PRSS41: variants seen among roughly 807,000 people sequenced by gnomAD.
PRSS41 encodes the protein serine protease 41.
PRSS41 carries 37 observed loss-of-function variants against 28.8 expected under a neutral mutation model. That is an observed-to-expected ratio of 1.29 (90% CI 0.99 to 1.69). The LOEUF (loss-of-function observed/expected upper bound fraction) is 1.69, where lower values mean the gene tolerates loss of function less well. Ranked by LOEUF, PRSS41 falls within the 40% of genes most tolerant of loss-of-function variation. The probability of loss-of-function intolerance (pLI) is 0.00; values close to 1 mark genes in which losing one functional copy is unlikely to be tolerated. For synonymous variants in PRSS41, 195 were observed against 163.1 expected, an observed-to-expected ratio of 1.20 and a Z score of -1.49; for missense variants, 431 against 400.7, an observed-to-expected ratio of 1.08 and a Z score of -0.65.
exon 3 of PRSS41, chr16:2,799,056 A>G: frequency 6.5e-7 from 1 of 1,533,242 alleles, no homozygotes; most frequent in Non-Finnish European, 8.7e-7. Context: ...GCCTGAGGAG[A>G]CGCCACCGAT....
chr16:2,799,596 G>A (rs971076312), intron 4 of PRSS41, 27 bp downstream of exon 4: 40 of 1,547,694 alleles, frequency 2.6e-5, no homozygotes, highest in Non-Finnish European at 3.2e-5. Flanking sequence ...ACCGGGTGGG[G>A]TGATGGGGGT....
At chr16:2,800,645 C>T (rs895493968) in intron 4 of PRSS41, among the ~76,000 whole-genome samples, 10 of 151,366 alleles carry the variant, frequency 6.6e-5, no homozygotes, top group Non-Finnish European at 1.3e-4. Flanking sequence ...GGTAAGTGAA[C>T]GAATGGTGAG....
exon 4 of PRSS41, chr16:2,799,369 G>A (rs1203127495): frequency 1.3e-6 from 2 of 1,551,944 alleles, no homozygotes; most frequent in Non-Finnish European, 1.7e-6. Flanking sequence ...GCCTACAGCA[G>A]TCGTTACAAA....
chr16:2,798,914 C>A, intron 2 of PRSS41, 45 bp from the exon 3 acceptor site: 3 of 1,477,942 alleles, frequency 2.0e-6, no homozygotes, highest in Middle Eastern at 2.4e-4. Context: ...GCCTGCCCAC[C>A]CCACCCCACC....
chr16:2,805,238 A>T (rs2069014379), exon 6 of PRSS41: 1 of 842,124 alleles, frequency 1.2e-6, no homozygotes. Flanking sequence ...CAGGGTTGGG[A>T]CTGCCTGCTG....
intron 4 of PRSS41, 70 bp downstream of exon 4, chr16:2,799,639 C>G: frequency 6.8e-7 from 1 of 1,470,438 alleles, no homozygotes; most frequent in Non-Finnish European, 9.2e-7. Flanking sequence ...CCCCTGTTCC[C>G]GCTACACAAG....
chr16:2,799,296 C>A, exon 4 of PRSS41: 1 of 1,551,608 alleles, frequency 6.4e-7, no homozygotes, highest in South Asian at 1.2e-5. Context: ...GCACTACTAT[C>A]CCTCCGAGTG....
chr16:2,798,711 T>C, intron 2 of PRSS41, 49 bp downstream of exon 2: 2 of 1,404,030 alleles, frequency 1.4e-6, no homozygotes, highest in Non-Finnish European at 9.3e-7. Flanking sequence ...TGGGCCGGGG[T>C]GCACGGGGGC....
chr16:2,799,038 C>T (rs2068967455), exon 3 of PRSS41: 1 of 1,532,986 alleles, frequency 6.5e-7, no homozygotes, highest in Middle Eastern at 2.2e-4. Context: ...CATGGCAGGC[C>T]AGCCTGCGCC....
chr16:2,799,690 C>T (rs2068974373), intron 4 of PRSS41, 121 bp downstream of exon 4: 1 of 1,009,416 alleles, frequency 9.9e-7, no homozygotes, highest in Non-Finnish European at 1.4e-6. Flanking sequence ...CAACCTGCGC[C>T]CCTCCTGCTC....
In PRSS41 at chr16:2,802,341, G is replaced by A. The variant is rs532579908; in HGVS notation, c.542-2048G>A. Among the ~76,000 whole-genome samples the A allele has an allele frequency of 4.6e-3, 690 of 150,094 alleles. 10 individuals carry two copies. The highest frequency in any genetic ancestry group is 0.016 in the African/African-American group (656 of 40,416). On this transcript the variant is annotated intron_variant, in intron 4 of 5. Transcript: ENST00000399677. The stretch of plus-strand genomic sequence containing the variant: ...GATGTGATGGCGGCCAGGAAGAGGC[G>A]CTCCTCACTTCCTAGATGGGATGGC...
chr16:2,799,632 C>T lies in PRSS41; in HGVS notation c.541+63C>T. The T allele has an allele frequency of 2.7e-6, 4 of 1,487,044 alleles. No homozygotes were observed. In the East Asian group the frequency reaches 7.4e-5, roughly 28 times the overall value. The allele number at this position is 1,487,044 out of a possible 1,614,324, so 92.1% of individuals were successfully genotyped here. A position where few individuals can be genotyped will look rare whatever the true frequency, so the allele number is the denominator to read the frequency against. Reference sequence around the variant, plus strand: ...GCGGGGTGAGCATTACCCTCTACCCCTGTTCCCGCTACACAAGCACAGCAG... The same window carrying T: ...GCGGGGTGAGCATTACCCTCTACCCTTGTTCCCGCTACACAAGCACAGCAG... On this transcript the variant is annotated intron_variant, in intron 4 of 5. Transcript: ENST00000399677.
intron 2 of PRSS41, 78 bp from the exon 3 acceptor site, chr16:2,798,881 C>G: frequency 7.0e-7 from 1 of 1,425,898 alleles, no homozygotes; most frequent in Non-Finnish European, 9.1e-7. Flanking sequence ...GCGCGCACCC[C>G]GGGGCAAAGC....
chr16:2,798,730 T>C, intron 2 of PRSS41, 68 bp downstream of exon 2: 2 of 1,350,118 alleles, frequency 1.5e-6, no homozygotes, highest in South Asian at 3.1e-5. Flanking sequence ...GCCCATCTAC[T>C]GCTCTCTGTT....
chr16:2,805,041 T>A, exon 6 of PRSS41: 1 of 1,555,956 alleles, frequency 6.4e-7, no homozygotes, highest in Non-Finnish European at 8.7e-7. Context: ...AGTGTGTACT[T>A]CCACTGGATC....
At chr16:2,798,812 C>T in intron 2 of PRSS41, 147 bp from the exon 3 acceptor site, 1 of 1,173,666 alleles carries the variant, frequency 8.5e-7, no homozygotes, top group Non-Finnish European at 1.1e-6. Context: ...CTGCCCACCA[C>T]GTGGGAGGGT....
At chr16:2,799,183 C>G (rs1258355982) in intron 3 of PRSS41, 59 bp downstream of exon 3, 1 of 1,506,640 alleles carries the variant, frequency 6.6e-7, no homozygotes, top group African/African-American at 1.4e-5. Flanking sequence ...GATGAGCAAA[C>G]AGTAGCCACC....
At chr16:2,800,724 C>T (rs2068980514) in intron 4 of PRSS41, among the ~76,000 whole-genome samples, 2 of 152,138 alleles carry the variant, frequency 1.3e-5, no homozygotes, top group South Asian at 2.1e-4. Context: ...ACTGAGGCTA[C>T]ACTAAATTTA....
At chr16:2,804,862 T>C (rs2069010706) in intron 5 of PRSS41, 52 bp from the exon 6 acceptor site, 67 of 1,418,810 alleles carry the variant, frequency 4.7e-5, no homozygotes, top group Non-Finnish European at 6.1e-5. Flanking sequence ...TCATGGCCTC[T>C]GCTGCCCCAC....
Sources: allele counts gnomAD v4.1 joint callset (sites outside exome capture counted in the v4.1 genomes callset), GRCh38; gene constraint gnomAD v4.1.1; transcripts MANE v1.5; gene names NCBI Gene and HGNC (gene_info 2026-07-23, HGNC 2026-07-21).